The following AGMO variants were observed in gnomAD, a reference collection of about 807,000 sequenced individuals.
AGMO encodes the protein alkylglycerol monooxygenase.
In AGMO, 75 loss-of-function variants were observed where a neutral mutation model predicts 60.2. The observed-to-expected ratio is 1.25, with a 90% confidence interval of 1.03 to 1.51. The LOEUF is 1.51. Ranked by LOEUF, AGMO falls within the 40% of genes most tolerant of loss-of-function variation. The pLI is 0.00. For missense variants in AGMO, 763 were observed against 525.5 expected, an observed-to-expected ratio of 1.45 and a Z score of -4.42; for synonymous variants, 261 against 177.1, an observed-to-expected ratio of 1.47 and a Z score of -3.76.
intron 8 of AGMO, among the ~76,000 whole-genome samples, chr7:15,388,565 T>C (rs1251816587): frequency 6.6e-6 from 1 of 152,190 alleles, no homozygotes. Context: ...TATGGTAATG[T>C]TTTAAAATAA....
downstream of AGMO, among the ~76,000 whole-genome samples, chr7:15,198,243 GAGAGAGAGAGAGACAGAGAC>G (rs1563030460): frequency 2.6e-4 from 26 of 98,684 alleles, no homozygotes; most frequent in African/African-American, 1.0e-3. Context: ...GAGAGAGAGA[GAGAGAGAGAGAGACAGAGAC>G]AGAGAGAGAG....
the AGMO span, among the ~76,000 whole-genome samples, chr7:15,135,045 A>G: frequency 6.6e-6 from 1 of 151,632 alleles, no homozygotes; most frequent in East Asian, 1.9e-4. Context: ...TTATTTGTAG[A>G]TAAGTAAATT....
rs1457437495 is a variant in AGMO at position 15,289,299 on chromosome 7, T to C, written c.1263+76215A>G. Among the ~76,000 whole-genome samples the C allele has an allele frequency of 4.6e-5, 7 of 151,158 alleles. No homozygotes were observed. The East Asian group carries it at 1.3e-3, about 29-fold the overall frequency. On this transcript the variant is annotated intron_variant, in intron 12 of 12. Transcript: ENST00000342526. ...GAATGTTAATTGTTTCTTTATAGAA[T>C]TAAATGATAAATTATTTATTATCAA...
intron 12 of AGMO, among the ~76,000 whole-genome samples, chr7:15,334,000 C>A (rs1430963315): frequency 6.6e-6 from 1 of 152,004 alleles, no homozygotes; most frequent in Non-Finnish European, 1.5e-5. Context: ...GGAAGCAATT[C>A]AACAATGGAA....
chr7:15,183,739 T>C, the AGMO span, among the ~76,000 whole-genome samples: 1 of 152,244 alleles, frequency 6.6e-6, no homozygotes, highest in African/African-American at 2.4e-5. Flanking sequence ...TGGTAATCTG[T>C]AGCATCTATC....
At chr7:15,431,259 C>G in intron 3 of AGMO, 151 bp from the exon 4 acceptor site, 1 of 595,160 alleles carries the variant, frequency 1.7e-6, no homozygotes, top group Non-Finnish European at 2.9e-6. Context: ...AAATATGCTG[C>G]CTGAAATAAT....
At chr7:15,287,035 G>C (rs975246123) in intron 12 of AGMO, among the ~76,000 whole-genome samples, 2 of 152,068 alleles carry the variant, frequency 1.3e-5, no homozygotes, top group African/African-American at 2.4e-5. Context: ...GTATGCAAAG[G>C]CATACAGAGT....
At chr7:15,472,657 C>G (rs1270478250) in intron 3 of AGMO, among the ~76,000 whole-genome samples, 1 of 151,970 alleles carries the variant, frequency 6.6e-6, no homozygotes, top group Non-Finnish European at 1.5e-5. Context: ...GAAAAACATA[C>G]TTGTTTGATG....
chr7:15,551,001 G>C (rs1238264811), intron 2 of AGMO, among the ~76,000 whole-genome samples: 1 of 141,832 alleles, frequency 7.1e-6, no homozygotes, highest in Non-Finnish European at 1.5e-5. Context: ...TGGGATGCAA[G>C]GCTGGTTCAA....
At chr7:15,247,470 A>AGAGAGAGAGAGAGAGAGG (rs1246968696) in intron 12 of AGMO, among the ~76,000 whole-genome samples, 1 of 149,930 alleles carries the variant, frequency 6.7e-6, no homozygotes, top group African/African-American at 2.5e-5. Flanking sequence ...AGAGAGAGAG[A>AGAGAGAGAGAGAGAGAGG]GAGAGAGAGG....
chr7:15,337,794 T>C (rs1781710396), intron 12 of AGMO, among the ~76,000 whole-genome samples: 1 of 152,226 alleles, frequency 6.6e-6, no homozygotes. Flanking sequence ...GTTTCTTACA[T>C]TTAGCAGATT....
intron 12 of AGMO, among the ~76,000 whole-genome samples, chr7:15,272,631 T>C (rs1312281349): frequency 6.6e-6 from 1 of 152,156 alleles, no homozygotes; most frequent in Non-Finnish European, 1.5e-5. Context: ...TTATAATCCT[T>C]TGGGTATATA....
intron 4 of AGMO, among the ~76,000 whole-genome samples, chr7:15,420,263 C>T (rs1780890699): frequency 6.6e-6 from 1 of 152,008 alleles, no homozygotes; most frequent in Non-Finnish European, 1.5e-5. Flanking sequence ...TAACACAGGT[C>T]TTTTAAGAGC....
At chr7:15,131,685 G>T in the AGMO span, among the ~76,000 whole-genome samples, 2 of 151,768 alleles carry the variant, frequency 1.3e-5, no homozygotes, top group Non-Finnish European at 2.9e-5. Flanking sequence ...TAAATGTAGG[G>T]ATAAGATGTA....
intron 3 of AGMO, among the ~76,000 whole-genome samples, chr7:15,542,448 C>T (rs1222784867): frequency 2.6e-5 from 4 of 152,124 alleles, no homozygotes; most frequent in East Asian, 1.9e-4. Flanking sequence ...TTATAATCAA[C>T]ATATTTTTAA....
At chr7:15,484,084 C>T (rs1348176155) in intron 3 of AGMO, among the ~76,000 whole-genome samples, 1 of 151,954 alleles carries the variant, frequency 6.6e-6, no homozygotes, top group Non-Finnish European at 1.5e-5. Flanking sequence ...ACATATAGTT[C>T]TAATATACGA....
intron 12 of AGMO, among the ~76,000 whole-genome samples, chr7:15,354,439 TAC>T (rs370170476): frequency 0.059 from 1,229 of 20,704 alleles, 167 homozygotes; most frequent in African/African-American, 0.19. Flanking sequence ...CGTGTGTGTA[TAC>T]ACACGTGTGT....
intron 3 of AGMO, among the ~76,000 whole-genome samples, chr7:15,516,511 G>T (rs1325201517): frequency 2.0e-5 from 3 of 152,250 alleles, no homozygotes; most frequent in South Asian, 2.1e-4. Flanking sequence ...AGATGAAAAA[G>T]AAATCTGTTC....
At chr7:15,493,828 T>C (rs2128522159) in intron 3 of AGMO, among the ~76,000 whole-genome samples, 1 of 152,268 alleles carries the variant, frequency 6.6e-6, no homozygotes, top group Admixed American at 6.5e-5. Context: ...TGACAGACCT[T>C]CATGTGTAAT....
Sources: gnomAD v4.1 joint callset for allele counts (sites outside exome capture counted in the v4.1 genomes callset) on GRCh38, gnomAD v4.1.1 for gene constraint, MANE v1.5 for transcripts, NCBI Gene and HGNC (gene_info 2026-07-23, HGNC 2026-07-21) for gene names.